Variants in SLAIN2 observed in about 807,000 individuals in gnomAD.
The protein encoded by SLAIN2 is SLAIN family member 2.
In SLAIN2, 31 loss-of-function variants were observed where a neutral mutation model predicts 56.6. The observed-to-expected ratio is 0.55, with a 90% confidence interval of 0.41 to 0.74. SLAIN2 has a LOEUF of 0.74. Ranked by LOEUF, SLAIN2 falls within the 30% of genes least tolerant of loss-of-function variation. The pLI is 0.00. For synonymous variants in SLAIN2, 317 were observed against 284.9 expected, an observed-to-expected ratio of 1.11 and a Z score of -1.13; for missense variants, 777 against 754.2, an observed-to-expected ratio of 1.03 and a Z score of -0.35.
chr4:48,378,172 A>C, intron 3 of SLAIN2, 112 bp downstream of exon 3: 1 of 1,258,826 alleles, frequency 7.9e-7, no homozygotes, highest in Non-Finnish European at 1.1e-6. Flanking sequence ...GAAACTTTTA[A>C]CTGGTTAAAG....
At chr4:48,351,170 A>G (rs191484024) in intron 1 of SLAIN2, among the ~76,000 whole-genome samples, 26 of 152,330 alleles carry the variant, frequency 1.7e-4, no homozygotes, top group African/African-American at 4.6e-4. Flanking sequence ...AAAAGTGTGA[A>G]TGAGAACCAG....
chr4:48,404,736 G>C (rs765370046), intron 6 of SLAIN2, among the ~76,000 whole-genome samples: 1 of 151,982 alleles, frequency 6.6e-6, no homozygotes, highest in African/African-American at 2.4e-5. Flanking sequence ...GTCTTTCTCT[G>C]TAGTTAAATC....
rs1233601377 is a variant in SLAIN2, at chr4:48,345,818, C to CAAA, written c.389+3691_389+3693dup. Among the ~76,000 whole-genome samples, 4 of 152,160 alleles carry CAAA rather than the reference C, an allele frequency of 2.6e-5. No individual in the cohort carries two copies. In the East Asian group the frequency reaches 5.8e-4, roughly 22 times the overall value. ...TAGGCATATCTACTACGTCTTCATTCAAATTGTTGATAAAAATATTAAATT... is the reference window on the plus strand; with the variant it reads ...TAGGCATATCTACTACGTCTTCATTCAAAAAATTGTTGATAAAAATATTAAATT... On this transcript the variant is annotated intron_variant, in intron 1 of 7. Coordinates refer to ENST00000264313, the MANE Select transcript of SLAIN2 (RefSeq NM_020846.2).
At chr4:48,365,621 C>T (rs1047523012) in intron 1 of SLAIN2, among the ~76,000 whole-genome samples, 5 of 151,384 alleles carry the variant, frequency 3.3e-5, no homozygotes, top group East Asian at 2.0e-4. Flanking sequence ...AGTGCAGTGG[C>T]GGGATCTTGG....
At chr4:48,393,122 C>T (rs1716277641) in intron 6 of SLAIN2, among the ~76,000 whole-genome samples, 1 of 151,848 alleles carries the variant, frequency 6.6e-6, no homozygotes, top group African/African-American at 2.4e-5. Flanking sequence ...CATGTAATTC[C>T]AGCACTTCGG....
In SLAIN2 at chr4:48,392,814, A is replaced by G. The variant is rs1199658529; in HGVS notation, c.1360+9030A>G. Among the ~76,000 whole-genome samples, 6 of 149,892 alleles carry G rather than the reference A, an allele frequency of 4.0e-5. No individual in the cohort carries two copies. The East Asian group carries it at 1.2e-3, about 30-fold the overall frequency. Reference sequence around the variant, plus strand: ...GCTATCACTATCTGGCAGGCCATATATTTTACTGCCTCATTGTCTGTCTCC... The same window carrying G: ...GCTATCACTATCTGGCAGGCCATATGTTTTACTGCCTCATTGTCTGTCTCC... On this transcript the variant is annotated intron_variant, in intron 6 of 7. Coordinates refer to ENST00000264313, the MANE Select transcript of SLAIN2 (RefSeq NM_020846.2).
intron 6 of SLAIN2, among the ~76,000 whole-genome samples, chr4:48,411,596 C>A (rs537705084): frequency 1.1e-3 from 131 of 122,344 alleles, no homozygotes; most frequent in African/African-American, 3.4e-3. Context: ...TTTGGATTAT[C>A]TTCTGAGTTT....
chr4:48,396,058 A>T (rs1716377951), intron 6 of SLAIN2, among the ~76,000 whole-genome samples: 1 of 152,066 alleles, frequency 6.6e-6, no homozygotes, highest in South Asian at 2.1e-4. Flanking sequence ...TTACCTAAAG[A>T]TTTCATGTTG....
intron 6 of SLAIN2, among the ~76,000 whole-genome samples, chr4:48,403,926 T>G (rs1205183280): frequency 6.6e-6 from 1 of 152,176 alleles, no homozygotes; most frequent in Admixed American, 6.5e-5. Context: ...ATCTGTGGGT[T>G]GCAAAGATCC....
chr4:48,360,659 G>A (rs1228551032), intron 1 of SLAIN2, among the ~76,000 whole-genome samples: 2 of 152,124 alleles, frequency 1.3e-5, no homozygotes. Context: ...GTGTTCAGTA[G>A]TTTTTAACGT....
At chr4:48,352,777 C>G (rs138952891) in intron 1 of SLAIN2, among the ~76,000 whole-genome samples, 2 of 152,306 alleles carry the variant, frequency 1.3e-5, no homozygotes, top group African/African-American at 4.8e-5. Context: ...TTTACATTTT[C>G]TAAGTCAAAA....
intron 6 of SLAIN2, among the ~76,000 whole-genome samples, chr4:48,385,941 T>A (rs1221709042): frequency 6.6e-6 from 1 of 151,322 alleles, no homozygotes. Flanking sequence ...TCTAAAAAAA[T>A]GTTTTTTTTT....
chr4:48,383,545 CAG>C (rs1477485085), intron 5 of SLAIN2, 100 bp from the exon 6 acceptor site: 8 of 939,476 alleles, frequency 8.5e-6, no homozygotes, highest in East Asian at 3.3e-5. Flanking sequence ...CTAAAATAAA[CAG>C]AATGTTTGAT....
chr4:48,363,858 C>A (rs1165604628), intron 1 of SLAIN2, among the ~76,000 whole-genome samples: 1 of 142,324 alleles, frequency 7.0e-6, no homozygotes, highest in Non-Finnish European at 1.6e-5. Context: ...TCCTTACTTC[C>A]CAGTAGGGGC....
intron 1 of SLAIN2, among the ~76,000 whole-genome samples, chr4:48,348,971 T>G (rs1714941540): frequency 6.6e-6 from 1 of 152,238 alleles, no homozygotes; most frequent in East Asian, 1.9e-4. Flanking sequence ...TAGATTTACT[T>G]GCTTTTGCCA....
At chr4:48,365,958 A>G (rs114153471) in intron 1 of SLAIN2, among the ~76,000 whole-genome samples, 1 of 152,204 alleles carries the variant, frequency 6.6e-6, no homozygotes, top group East Asian at 1.9e-4. Flanking sequence ...TTGAAATTAC[A>G]AATTTTTCTC....
At chr4:48,365,686 C>T (rs1002458701) in intron 1 of SLAIN2, among the ~76,000 whole-genome samples, 6 of 151,810 alleles carry the variant, frequency 4.0e-5, no homozygotes, top group African/African-American at 1.2e-4. Flanking sequence ...CTCAGTCTCC[C>T]GAGTAGCTGG....
At chr4:48,393,386 TTGTGTGTGTGTGTGTG>T (rs57142552) in intron 6 of SLAIN2, among the ~76,000 whole-genome samples, 5 of 135,348 alleles carry the variant, frequency 3.7e-5, no homozygotes, top group Non-Finnish European at 7.8e-5. Flanking sequence ...CATGTCTGGC[TTGTGTGTGTGTGTGTG>T]TGTGTGTGTG....
chr4:48,357,151 C>T (rs1476830210), intron 1 of SLAIN2, among the ~76,000 whole-genome samples: 2 of 151,080 alleles, frequency 1.3e-5, no homozygotes, highest in African/African-American at 2.4e-5. Flanking sequence ...TATTATATAT[C>T]TTTTAGTTAG....
Sources: gnomAD v4.1 joint callset for allele counts (sites outside exome capture counted in the v4.1 genomes callset) on GRCh38, gnomAD v4.1.1 for gene constraint, MANE v1.5 for transcripts, NCBI Gene and HGNC (gene_info 2026-07-23, HGNC 2026-07-21) for gene names.